Variants in CNGB1 observed in about 807,000 individuals in gnomAD.
CNGB1 encodes the protein cyclic nucleotide gated channel subunit beta 1, also known as cyclic nucleotide-gated channel beta-1.
Under a neutral mutation model 151.7 loss-of-function variants are expected in CNGB1, and 126 were observed. The ratio of observed to expected loss-of-function variants is 0.83; its 90% CI spans 0.72 to 0.96. The LOEUF (loss-of-function observed/expected upper bound fraction) is 0.96. Ranked by LOEUF, CNGB1 falls within the 40% of genes least tolerant of loss-of-function variation. CNGB1 has a pLI of 0.00. For missense variants in CNGB1, 1,698 were observed against 1,627.0 expected, an observed-to-expected ratio of 1.04 and a Z score of -0.75; for synonymous variants, 623 against 635.1, an observed-to-expected ratio of 0.98 and a Z score of 0.29.
At chr16:57,909,861 C>A (rs1433284659) in intron 25 of CNGB1, among the ~76,000 whole-genome samples, 1 of 152,314 alleles carries the variant, frequency 6.6e-6, no homozygotes, top group Non-Finnish European at 1.5e-5. Context: ...CTCTGTAACT[C>A]ATGAACCGTG....
chr16:57,937,342 G>A (rs1961539857), intron 16 of CNGB1: 1 of 152,570 alleles, frequency 6.6e-6, no homozygotes, highest in South Asian at 2.1e-4. Flanking sequence ...GTCTCAGGCA[G>A]AGGAGTGACC....
intron 20 of CNGB1, among the ~76,000 whole-genome samples, chr16:57,918,545 A>G (rs1313619907): frequency 6.6e-6 from 1 of 152,224 alleles, no homozygotes; most frequent in Non-Finnish European, 1.5e-5. Context: ...GAGCTCTAGG[A>G]AAAGGCCAGC....
Position 57,923,261 on chromosome 16 carries a change from GA to G in CNGB1, c.1643+11del. On this transcript the variant is annotated intron_variant, in intron 18 of 32. Coordinates refer to ENST00000251102, the MANE Select transcript of CNGB1 (RefSeq NM_001297.5). Reference sequence around the variant, plus strand: ...AGTCTTTCAATTTTCTGAGACCCCAGAGGGGTCTCACTCAGTGTCCTTCGGG... The same window carrying G: ...AGTCTTTCAATTTTCTGAGACCCCAGGGGGTCTCACTCAGTGTCCTTCGGG... 6.5e-7 allele frequency: 1 copy of G among 1,527,826 alleles called. No homozygotes were observed. Among genetic ancestry groups the G allele is most frequent in the Non-Finnish European group, 8.9e-7 (1 of 1,119,022 alleles). The allele number at this position is 1,527,826 out of a possible 1,614,324, so 94.6% of individuals were successfully genotyped here.
intron 16 of CNGB1, among the ~76,000 whole-genome samples, chr16:57,932,978 G>A (rs961050661): frequency 2.6e-5 from 4 of 152,150 alleles, no homozygotes; most frequent in African/African-American, 4.8e-5. Context: ...GCAGTGGCAC[G>A]ATTGCAGCTC....
intron 14 of CNGB1, among the ~76,000 whole-genome samples, chr16:57,946,876 T>C (rs16959574): frequency 0.029 from 4,428 of 152,290 alleles, 196 homozygotes; most frequent in African/African-American, 0.1. Flanking sequence ...AGTTCAAAAC[T>C]CTGGGTAAAC....
intron 16 of CNGB1, among the ~76,000 whole-genome samples, chr16:57,934,291 T>C (rs1041008627): frequency 6.6e-6 from 1 of 151,866 alleles, no homozygotes; most frequent in African/African-American, 2.4e-5. Context: ...TACAAAAAAA[T>C]TCAAAAATCG....
intron 16 of CNGB1, among the ~76,000 whole-genome samples, chr16:57,935,698 G>A (rs1440609036): frequency 6.6e-6 from 1 of 152,032 alleles, no homozygotes; most frequent in African/African-American, 2.4e-5. Context: ...TCAGGGAGTG[G>A]CCTGTGGCGG....
At chr16:57,902,596 C>T (rs961011717) in intron 27 of CNGB1, among the ~76,000 whole-genome samples, 3 of 142,986 alleles carry the variant, frequency 2.1e-5, no homozygotes, top group Admixed American at 7.1e-5. Flanking sequence ...CATGAGCCAC[C>T]GCACAGGTAC....
chr16:57,948,684 C>T (rs1156860745), intron 14 of CNGB1, among the ~76,000 whole-genome samples: 6 of 152,286 alleles, frequency 3.9e-5, no homozygotes, highest in African/African-American at 1.4e-4. Context: ...TCCAGCCCCA[C>T]CTCTCCTGCT....
intron 16 of CNGB1, chr16:57,936,993 C>G (rs1961529126): frequency 6.6e-6 from 1 of 152,314 alleles, no homozygotes; most frequent in South Asian, 2.1e-4. Context: ...AACTAGTGGT[C>G]CACACTATGA....
intron 16 of CNGB1, among the ~76,000 whole-genome samples, chr16:57,936,775 ACT>A (rs1282128224): frequency 2.7e-5 from 4 of 149,312 alleles, no homozygotes; most frequent in African/African-American, 1.0e-4. Context: ...ACAGAGAGAG[ACT>A]CTGTCTCAAA....
Position 57,897,493 on chromosome 16 carries a change from T to C in CNGB1, c.3146A>G (p.His1049Arg), listed in dbSNP as rs1431396215. ...GNRRTANVVA[H>R]GFTNLFILDK... ...CAGGATGAAGAGGTTGGTAAACCCG[T>C]GCGCCACCACGTTGGCCGTGCGCCG... The change falls in exon 31 of 33, where the codon CAC (histidine) becomes CGC (arginine). Residue 1049 changes from histidine to arginine, a missense_variant. By Grantham distance (29) the His-to-Arg change is conservative. Transcript: ENST00000251102. 2 of 1,614,114 alleles carry C rather than the reference T, an allele frequency of 1.2e-6. No individual in the cohort carries two copies. The highest frequency in any genetic ancestry group is 4.5e-5 in the East Asian group (2 of 44,884).
At chr16:57,925,448 C>T (rs1961157880) in intron 17 of CNGB1, among the ~76,000 whole-genome samples, 1 of 152,168 alleles carries the variant, frequency 6.6e-6, no homozygotes, top group Non-Finnish European at 1.5e-5. Flanking sequence ...AGAAACTTGG[C>T]TGTGGGGACA....
At chr16:57,930,247 G>A (rs1478741627) in intron 17 of CNGB1, among the ~76,000 whole-genome samples, 6 of 152,086 alleles carry the variant, frequency 3.9e-5, no homozygotes, top group African/African-American at 1.2e-4. Context: ...CTGTAATTCC[G>A]GCACTTTGGG....
intron 8 of CNGB1, 130 bp downstream of exon 8, chr16:57,960,710 A>G: frequency 7.8e-7 from 1 of 1,275,304 alleles, no homozygotes; most frequent in African/African-American, 1.5e-5. Flanking sequence ...AGGACTCTCC[A>G]AAGTGGGGCA....
chr16:57,958,404 A>T lies in CNGB1; in HGVS notation c.837+6T>A, dbSNP rs1175038409. On this transcript the variant is annotated splice_donor_region_variant and intron_variant, in intron 11 of 32. Transcript: ENST00000251102. ...AGGGCCACCACTCCATGAGCCCAGC[A>T]CTGACCTGTTCCCCTATTTTCCCAT... 2 of 1,556,930 alleles carry T rather than the reference A, an allele frequency of 1.3e-6. No individual in the cohort carries two copies. The highest frequency in any genetic ancestry group is 1.7e-6 in the Non-Finnish European group (2 of 1,157,514).
At chr16:57,919,284 C>A in intron 19 of CNGB1, 30 bp from the exon 20 acceptor site, 1 of 1,613,906 alleles carries the variant, frequency 6.2e-7, no homozygotes, top group Non-Finnish European at 8.5e-7. Flanking sequence ...ACCATCTGAA[C>A]CAGCCCTGAG....
chr16:57,933,230 C>T (rs985734190), intron 16 of CNGB1, among the ~76,000 whole-genome samples: 1 of 152,158 alleles, frequency 6.6e-6, no homozygotes, highest in Non-Finnish European at 1.5e-5. Context: ...GCCCGGCTGG[C>T]CTCACATTCT....
chr16:57,962,114 G>A (rs541950180), intron 7 of CNGB1, among the ~76,000 whole-genome samples: 13 of 152,180 alleles, frequency 8.5e-5, no homozygotes, highest in East Asian at 5.8e-4. Flanking sequence ...TCCCCTCTTC[G>A]CCACAGTCCC....
Sources: gnomAD v4.1 joint callset for allele counts (sites outside exome capture counted in the v4.1 genomes callset) on GRCh38, gnomAD v4.1.1 for gene constraint, MANE v1.5 for transcripts, NCBI Gene and HGNC (gene_info 2026-07-23, HGNC 2026-07-21) for gene names.